The following DNAH12 variants were observed in gnomAD, a reference collection of about 807,000 sequenced individuals.
DNAH12 encodes dynein axonemal heavy chain 12.
A neutral mutation model predicts 371.5 loss-of-function variants in DNAH12; 285 were observed. The ratio of observed to expected loss-of-function variants is 0.77; its 90% CI spans 0.70 to 0.85. The LOEUF (loss-of-function observed/expected upper bound fraction) is 0.85. Among genes scored for constraint, DNAH12 ranks in the 40% least tolerant of loss-of-function variants. The pLI, the probability that DNAH12 is intolerant of heterozygous loss-of-function variation, is 0.00. For synonymous variants in DNAH12, 1,200 were observed against 1,213.0 expected, an observed-to-expected ratio of 0.99 and a Z score of 0.22; for missense variants, 3,611 against 3,689.4, an observed-to-expected ratio of 0.98 and a Z score of 0.55.
chr3:57,349,073 T>C (rs1553659203), intron 60 of DNAH12, among the ~76,000 whole-genome samples: 1 of 152,180 alleles, frequency 6.6e-6, no homozygotes, highest in Non-Finnish European at 1.5e-5. Flanking sequence ...CATCACAATC[T>C]ATATATCTGG....
intron 65 of DNAH12, among the ~76,000 whole-genome samples, chr3:57,315,637 T>C (rs1427908456): frequency 6.6e-6 from 1 of 151,814 alleles, no homozygotes; most frequent in Non-Finnish European, 1.5e-5. Flanking sequence ...GAGAGAAAGA[T>C]GCGGGTGAAG....
At chr3:57,498,594 T>C (rs2067396994) in intron 11 of DNAH12, 6 of 714,902 alleles carry the variant, frequency 8.4e-6, no homozygotes, top group South Asian at 3.0e-5. Flanking sequence ...CAGAAGACCA[T>C]AGTAACTTTA....
Position 57,535,977 on chromosome 3 carries a change from T to C in DNAH12, c.170+6724A>G, listed in dbSNP as rs2069028370. ...TCAGCCACCTGAGTCGCTGGGATTA[T>C]AGGCATCCGCCACCATGCTTGGCTA... is the stretch of plus-strand genomic sequence containing the variant. On this transcript the variant is annotated intron_variant, in intron 2 of 73. Coordinates refer to ENST00000495027, the MANE Select transcript of DNAH12 (RefSeq NM_001366028.2). 2.6e-5 allele frequency among the ~76,000 whole-genome samples: 4 copies of C among 151,984 alleles called. No individual in the cohort carries two copies. In the South Asian group the frequency reaches 6.2e-4, roughly 24 times the overall value.
chr3:57,453,074 G>T (rs933133522), intron 24 of DNAH12, 59 bp from the exon 25 acceptor site: 2 of 1,488,514 alleles, frequency 1.3e-6, no homozygotes, highest in African/African-American at 1.4e-5. Context: ...ATTTTAAAAA[G>T]AAGTATTTTA....
intron 66 of DNAH12, among the ~76,000 whole-genome samples, chr3:57,313,882 A>C (rs1331597748): frequency 2.6e-5 from 4 of 152,158 alleles, no homozygotes; most frequent in Non-Finnish European, 5.9e-5. Context: ...ACTAGAGTCT[A>C]TGTGGCAGCC....
intron 43 of DNAH12, among the ~76,000 whole-genome samples, chr3:57,397,331 C>CA (rs1163041168): frequency 2.0e-5 from 3 of 152,192 alleles, no homozygotes; most frequent in Admixed American, 6.5e-5. Flanking sequence ...AAGGGTAAGA[C>CA]AGTACCTCAA....
At chr3:57,309,940 C>G in intron 67 of DNAH12, 86 bp from the exon 68 acceptor site, 1 of 1,192,936 alleles carries the variant, frequency 8.4e-7, no homozygotes, top group Non-Finnish European at 1.1e-6. Flanking sequence ...AAATATGCTA[C>G]TTTGGCATAG....
chr3:57,390,174 G>C (rs1299164149), intron 45 of DNAH12, among the ~76,000 whole-genome samples: 1 of 146,938 alleles, frequency 6.8e-6, no homozygotes. Context: ...ACAATGGCTC[G>C]TGCCTATAAT....
At chr3:57,361,755 C>G (rs907596366) in intron 58 of DNAH12, among the ~76,000 whole-genome samples, 2 of 151,776 alleles carry the variant, frequency 1.3e-5, no homozygotes, top group Non-Finnish European at 2.9e-5. Context: ...CTGAATGAAC[C>G]CAAGTATCCT....
At chr3:57,314,201 C>T (rs1559545544) in intron 66 of DNAH12, among the ~76,000 whole-genome samples, 1 of 152,208 alleles carries the variant, frequency 6.6e-6, no homozygotes, top group Non-Finnish European at 1.5e-5. Context: ...CCAGGGTCCT[C>T]GATGACAACA....
intron 52 of DNAH12, among the ~76,000 whole-genome samples, chr3:57,377,647 T>C (rs957830746): frequency 3.3e-5 from 5 of 152,032 alleles, no homozygotes; most frequent in African/African-American, 9.7e-5. Flanking sequence ...CCAGTCAGAC[T>C]GAGGCTTACA....
chr3:57,436,951 C>A lies in DNAH12; in HGVS notation c.4655G>T (p.Gly1552Val). The A allele has an allele frequency of 7.0e-7, 1 of 1,428,894 alleles. No homozygotes were observed. Among genetic ancestry groups the A allele is most frequent in the Non-Finnish European group, 9.3e-7 (1 of 1,073,284 alleles). The allele number at this position is 1,428,894 out of a possible 1,614,324, so 88.5% of individuals were successfully genotyped here. Reference protein sequence around the residue: ...QTYEMMIVRHGFMLVGEPFAA... With the variant: ...QTYEMMIVRHVFMLVGEPFAA... Reference sequence around the variant, plus strand: ...TAACTATAGCAATATATAATCTTACCCATGTCTAACAATCATCATTTCATA... The same window carrying A: ...TAACTATAGCAATATATAATCTTACACATGTCTAACAATCATCATTTCATA... The change falls in exon 30 of 74, where the codon GGT becomes GTT. Residue 1552 changes from glycine (G) to valine (V), a missense_variant and splice_region_variant. Coordinates refer to ENST00000495027, the MANE Select transcript of DNAH12 (RefSeq NM_001366028.2).
rs1456645119 is a variant in DNAH12 at position 57,334,624 on chromosome 3, C to G, written c.9834-15G>C. ...AAAAATGTTGCCTAATAGAAAAAAGCTTAAGAATTATTCTTTTTATTGGGA... is the reference window on the plus strand; with the variant it reads ...AAAAATGTTGCCTAATAGAAAAAAGGTTAAGAATTATTCTTTTTATTGGGA... On this transcript the variant is annotated splice_polypyrimidine_tract_variant and intron_variant, in intron 61 of 73. Coordinates refer to ENST00000495027, the MANE Select transcript of DNAH12 (RefSeq NM_001366028.2). 7.2e-6 allele frequency: 11 copies of G among 1,527,982 alleles called. No individual in the cohort carries two copies. Among genetic ancestry groups the G allele is most frequent in the Non-Finnish European group, 9.6e-6 (11 of 1,141,190 alleles). The allele number at this position is 1,527,982 out of a possible 1,614,324, so 94.7% of individuals were successfully genotyped here.
At chr3:57,298,708 A>G (rs1433300676) in intron 70 of DNAH12, among the ~76,000 whole-genome samples, 1 of 152,190 alleles carries the variant, frequency 6.6e-6, no homozygotes, top group Admixed American at 6.5e-5. Context: ...TACCTCATCC[A>G]TGAAACAATC....
chr3:57,470,714 A>T (rs763866100), intron 15 of DNAH12, 78 bp from the exon 16 acceptor site: 1 of 1,192,872 alleles, frequency 8.4e-7, no homozygotes, highest in Non-Finnish European at 1.2e-6. Flanking sequence ...TACTGTGTAC[A>T]ATATGTCCTT....
intron 4 of DNAH12, among the ~76,000 whole-genome samples, chr3:57,515,592 A>G (rs2068162950): frequency 6.6e-6 from 1 of 152,136 alleles, no homozygotes; most frequent in Non-Finnish European, 1.5e-5. Context: ...CCTGGGCGAC[A>G]GAGCAAAACC....
At chr3:57,316,370 G>A (rs1012848299) in intron 65 of DNAH12, among the ~76,000 whole-genome samples, 1 of 152,142 alleles carries the variant, frequency 6.6e-6, no homozygotes, top group African/African-American at 2.4e-5. Flanking sequence ...TAGCCAAAAT[G>A]AGGTCCTTAT....
intron 43 of DNAH12, among the ~76,000 whole-genome samples, chr3:57,395,998 G>T (rs965428188): frequency 0.064 from 9,767 of 151,664 alleles, 1,051 homozygotes; most frequent in African/African-American, 0.22. Context: ...TTTAATTTAG[G>T]CTGGGCGCGG....
chr3:57,317,357 T>C (rs1327118550), intron 65 of DNAH12, among the ~76,000 whole-genome samples: 8 of 152,144 alleles, frequency 5.3e-5, no homozygotes, highest in Non-Finnish European at 8.8e-5. Context: ...TGAGACACTA[T>C]TCCCATTAAT....
Sources: gnomAD v4.1 joint callset for allele counts (sites outside exome capture counted in the v4.1 genomes callset) on GRCh38, gnomAD v4.1.1 for gene constraint, MANE v1.5 for transcripts, NCBI Gene and HGNC (gene_info 2026-07-23, HGNC 2026-07-21) for gene names.